Variants in WWOX observed in about 807,000 individuals in gnomAD.
The protein encoded by WWOX is WW domain-containing oxidoreductase.
A neutral mutation model predicts 46.2 loss-of-function variants in WWOX; 69 were observed. That is an observed-to-expected ratio of 1.49 (90% CI 1.23 to 1.82). WWOX has a LOEUF of 1.82. Among genes scored for constraint, WWOX ranks in the 40% most tolerant of loss-of-function variants. The pLI is 0.00. For missense variants in WWOX, 919 were observed against 542.6 expected (o/e 1.69, Z -6.89); for synonymous variants, 359 against 202.6 (o/e 1.77, Z -6.56).
chr16:79,167,183 C>T (rs1329798113), intron 8 of WWOX, among the ~76,000 whole-genome samples: 1 of 152,166 alleles, frequency 6.6e-6, no homozygotes, highest in Non-Finnish European at 1.5e-5. Flanking sequence ...CTCGAGCAAT[C>T]CACCCACCTC....
intron 5 of WWOX, among the ~76,000 whole-genome samples, chr16:78,380,985 C>T (rs1173295756): frequency 6.8e-6 from 1 of 147,688 alleles, no homozygotes; most frequent in African/African-American, 2.7e-5. Context: ...CCATAGAAGG[C>T]AATACTATTA....
chr16:78,770,213 T>G (rs1418209079), intron 8 of WWOX, among the ~76,000 whole-genome samples: 2 of 151,940 alleles, frequency 1.3e-5, no homozygotes, highest in African/African-American at 4.8e-5. Flanking sequence ...GAGTCGGGGT[T>G]GGTGGTGTGC....
intron 5 of WWOX, among the ~76,000 whole-genome samples, chr16:78,270,926 C>T (rs114470237): frequency 0.012 from 1,769 of 152,294 alleles, 29 homozygotes; most frequent in African/African-American, 0.038. Flanking sequence ...GAAAATGTGT[C>T]AACCCTTTCC....
chr16:78,438,413 A>G (rs1336506547), intron 8 of WWOX, among the ~76,000 whole-genome samples: 5 of 151,780 alleles, frequency 3.3e-5, no homozygotes, highest in African/African-American at 1.2e-4. Flanking sequence ...AAAATGTTTG[A>G]CAGCACCTTC....
intron 8 of WWOX, among the ~76,000 whole-genome samples, chr16:78,761,198 A>G (rs892345400): frequency 6.6e-6 from 1 of 152,098 alleles, no homozygotes; most frequent in East Asian, 1.9e-4. Flanking sequence ...TTTTTCTTCC[A>G]AATATAGTTA....
chr16:78,974,494 T>C (rs903459319), intron 8 of WWOX, among the ~76,000 whole-genome samples: 24 of 152,344 alleles, frequency 1.6e-4, no homozygotes, highest in African/African-American at 5.5e-4. Flanking sequence ...GGCCTAGTTA[T>C]GATGTGATGA....
intron 8 of WWOX, among the ~76,000 whole-genome samples, chr16:78,545,613 G>A (rs1276971423): frequency 1.3e-5 from 2 of 152,304 alleles, no homozygotes; most frequent in South Asian, 2.1e-4. Context: ...CATGGTTGGC[G>A]ATTAAATAGC....
intron 8 of WWOX, among the ~76,000 whole-genome samples, chr16:79,149,203 T>C (rs745831907): frequency 2.2e-4 from 33 of 152,248 alleles, no homozygotes; most frequent in Non-Finnish European, 4.0e-4. Flanking sequence ...TTGAAGTGAT[T>C]CTTCTCAATT....
intron 8 of WWOX, among the ~76,000 whole-genome samples, chr16:78,482,521 C>A (rs1318585231): frequency 1.3e-5 from 2 of 152,116 alleles, no homozygotes; most frequent in Non-Finnish European, 2.9e-5. Context: ...CCTTGCCTAG[C>A]CAAATAACTC....
chr16:78,724,345 T>C (rs1447013477), intron 8 of WWOX, among the ~76,000 whole-genome samples: 1 of 152,206 alleles, frequency 6.6e-6, no homozygotes, highest in Non-Finnish European at 1.5e-5. Context: ...CAGTTTTCAT[T>C]GATGTGACCT....
chr16:78,321,361 TATATATATAC>T (rs1567499321), intron 5 of WWOX, among the ~76,000 whole-genome samples: 3 of 51,386 alleles, frequency 5.8e-5, no homozygotes, highest in African/African-American at 3.5e-4. Flanking sequence ...TATATATGCG[TATATATATAC>T]GTATATATGC....
chr16:79,175,393 C>T (rs1228941554), intron 8 of WWOX, among the ~76,000 whole-genome samples: 1 of 152,176 alleles, frequency 6.6e-6, no homozygotes, highest in East Asian at 1.9e-4. Context: ...TTTGGATGAG[C>T]TTTGTTCATG....
At chr16:78,887,389 G>A (rs111958135) in intron 8 of WWOX, among the ~76,000 whole-genome samples, 32 of 150,938 alleles carry the variant, frequency 2.1e-4, no homozygotes, top group South Asian at 4.2e-4. Context: ...CAGTGCATTC[G>A]CTTCCAAGGC....
intron 8 of WWOX, among the ~76,000 whole-genome samples, chr16:78,725,902 C>G (rs563674276): frequency 6.6e-6 from 1 of 152,032 alleles, no homozygotes; most frequent in Non-Finnish European, 1.5e-5. Context: ...CTCTCTGTCT[C>G]TACTCCTTTT....
intron 8 of WWOX, among the ~76,000 whole-genome samples, chr16:79,108,985 C>G (rs560197296): frequency 1.3e-5 from 2 of 151,708 alleles, no homozygotes; most frequent in Non-Finnish European, 2.9e-5. Context: ...CATTATCCTT[C>G]TTCTCCCCAT....
chr16:78,770,862 G>A (rs1434926724), intron 8 of WWOX, among the ~76,000 whole-genome samples: 1 of 152,264 alleles, frequency 6.6e-6, no homozygotes, highest in Non-Finnish European at 1.5e-5. Context: ...ATCTGTGGAC[G>A]GTTGGCACCG....
chr16:78,883,362 G>C (rs958990030), intron 8 of WWOX, among the ~76,000 whole-genome samples: 2 of 152,158 alleles, frequency 1.3e-5, no homozygotes, highest in Admixed American at 1.3e-4. Flanking sequence ...AAAAAGGACT[G>C]TAGTGGGAAA....
intron 5 of WWOX, among the ~76,000 whole-genome samples, chr16:78,231,325 A>G (rs2076046766): frequency 6.6e-6 from 1 of 152,216 alleles, no homozygotes; most frequent in Non-Finnish European, 1.5e-5. Context: ...AAAAATGTAT[A>G]TTACTATGCA....
intron 8 of WWOX, among the ~76,000 whole-genome samples, chr16:78,490,048 G>T (rs574457050): frequency 5.8e-4 from 88 of 152,184 alleles, no homozygotes; most frequent in African/African-American, 1.6e-3. Context: ...TTAACCCTCT[G>T]GGGAGACTAA....
Sources: gnomAD v4.1 joint callset for allele counts (sites outside exome capture counted in the v4.1 genomes callset) on GRCh38, gnomAD v4.1.1 for gene constraint, MANE v1.5 for transcripts, NCBI Gene and HGNC (gene_info 2026-07-23, HGNC 2026-07-21) for gene names.